FAM227B: variants seen among roughly 807,000 people sequenced by gnomAD.
FAM227B encodes family with sequence similarity 227 member B.
A neutral mutation model predicts 73.8 loss-of-function variants in FAM227B; 88 were observed. The ratio of observed to expected loss-of-function variants is 1.19; its 90% CI spans 1.00 to 1.42. The LOEUF is 1.42. Among genes scored for constraint, FAM227B ranks in the 40% most tolerant of loss-of-function variants. The pLI is 0.00. For missense variants in FAM227B, 632 were observed against 590.9 expected (o/e 1.07, Z -0.72); for synonymous variants, 210 against 190.5 (o/e 1.10, Z -0.84).
intron 3 of FAM227B, among the ~76,000 whole-genome samples, chr15:49,608,891 T>C (rs2077699084): frequency 1.3e-5 from 2 of 151,882 alleles, no homozygotes; most frequent in South Asian, 4.1e-4. Context: ...AAAAGTATAA[T>C]ATATAAATAT....
chr15:49,411,875 G>C (rs542648486), intron 11 of FAM227B, among the ~76,000 whole-genome samples: 4 of 152,152 alleles, frequency 2.6e-5, no homozygotes, highest in African/African-American at 9.6e-5. Context: ...TATATCAATT[G>C]TTATGGGGAA....
In FAM227B at chr15:49,367,511, A is replaced by G; in HGVS notation, c.1208T>C (p.Leu403Pro). The G allele has an allele frequency of 6.2e-7, 1 of 1,606,716 alleles. No homozygotes were observed. Among genetic ancestry groups the G allele is most frequent in the Non-Finnish European group, 8.5e-7 (1 of 1,178,330 alleles). Residue 403 changes from leucine to proline, a missense_variant, in exon 13 of 16, where the codon CTG becomes CCG. Leu to Pro is a moderately conservative substitution (Grantham distance 98, BLOSUM62 -3). Coordinates refer to ENST00000299338, the MANE Select transcript of FAM227B (RefSeq NM_152647.3). ...CTTAGGTGCTTTGGAAATACCAGCC[A>G]GCTCATGCATCTTAAGATAATATAA... ...LILYYLKMHE[L>P]AGISKAPKKT... is the part of the protein sequence containing the mutation.
chr15:49,607,834 G>A (rs2077620688), intron 3 of FAM227B, among the ~76,000 whole-genome samples: 1 of 152,086 alleles, frequency 6.6e-6, no homozygotes, highest in East Asian at 1.9e-4. Context: ...TGATTATCTT[G>A]GAGTAGATCA....
intron 11 of FAM227B, among the ~76,000 whole-genome samples, chr15:49,430,119 T>C (rs2050465183): frequency 6.6e-6 from 1 of 151,932 alleles, no homozygotes; most frequent in Non-Finnish European, 1.5e-5. Flanking sequence ...TGACAAATCT[T>C]AGTGGCTCCA....
At chr15:49,431,691 T>C (rs1227779100) in intron 11 of FAM227B, among the ~76,000 whole-genome samples, 1 of 151,598 alleles carries the variant, frequency 6.6e-6, no homozygotes, top group South Asian at 2.1e-4. Context: ...GAAGAAAATA[T>C]CTTTGTGAAC....
In FAM227B at chr15:49,528,307, G is replaced by A. The variant is rs113889352; in HGVS notation, c.874+13373C>T. On this transcript the variant is annotated intron_variant, in intron 10 of 15. Coordinates refer to ENST00000299338, the MANE Select transcript of FAM227B (RefSeq NM_152647.3). ...AACTGGATAGCCATATGCAGAAAAC[G>A]AAACTGGACCCCTATCTCTCATCGT... Among the ~76,000 whole-genome samples the A allele has an allele frequency of 4.7e-3, 719 of 151,756 alleles. 7 individuals are homozygous for A. Among genetic ancestry groups the A allele is most frequent in the African/African-American group, 0.016 (677 of 41,466 alleles).
At chr15:49,520,834 G>A (rs912222302) in intron 10 of FAM227B, among the ~76,000 whole-genome samples, 3 of 151,944 alleles carry the variant, frequency 2.0e-5, no homozygotes, top group African/African-American at 7.2e-5. Flanking sequence ...AAACCCCCAG[G>A]AAGAAGCTGG....
chr15:49,487,850 G>A (rs1379193709), intron 11 of FAM227B: 1 of 151,930 alleles, frequency 6.6e-6, no homozygotes, highest in Non-Finnish European at 1.5e-5. Context: ...AAGCAAAATT[G>A]ATACATCAGA....
At chr15:49,525,662 A>G (rs1334264655) in intron 10 of FAM227B, among the ~76,000 whole-genome samples, 3 of 79,740 alleles carry the variant, frequency 3.8e-5, no homozygotes, top group Non-Finnish European at 7.8e-5. Context: ...TAAAGGGTGG[A>G]GAAATATATA....
At chr15:49,339,503 C>A (rs963292536) in intron 13 of FAM227B, among the ~76,000 whole-genome samples, 4 of 152,160 alleles carry the variant, frequency 2.6e-5, no homozygotes, top group African/African-American at 9.7e-5. Flanking sequence ...GAAGCTTCGT[C>A]CCAGAGGGGC....
chr15:49,457,314 G>A (rs1685504088), intron 11 of FAM227B, among the ~76,000 whole-genome samples: 1 of 151,924 alleles, frequency 6.6e-6, no homozygotes, highest in South Asian at 2.1e-4. Flanking sequence ...AATCAAATCA[G>A]CGTGTAAACT....
At chr15:49,603,136 G>A (rs150057515) in intron 3 of FAM227B, among the ~76,000 whole-genome samples, 279 of 152,138 alleles carry the variant, frequency 1.8e-3, no homozygotes, top group African/African-American at 6.4e-3. Context: ...GGTCTTTTGC[G>A]GTTTCATATA....
chr15:49,524,740 C>T (rs1182162264), intron 10 of FAM227B, among the ~76,000 whole-genome samples: 2 of 152,186 alleles, frequency 1.3e-5, no homozygotes, highest in East Asian at 3.9e-4. Flanking sequence ...TATGGAACTG[C>T]CCAAGCCTGT....
intron 1 of FAM227B, among the ~76,000 whole-genome samples, chr15:49,619,467 T>C (rs2078518842): frequency 6.6e-6 from 1 of 152,196 alleles, no homozygotes; most frequent in Non-Finnish European, 1.5e-5. Context: ...CTGACTACCT[T>C]GCTGCCATAC....
At position 49,335,508 on chromosome 15, in the gene FAM227B, A is replaced by G; in HGVS notation, c.1272-12T>C. ...TTGGAGCAGGTAGTGTGCTAGGCTT[A>G]TTATTAAGGAATGATTTTCAATTAG... On this transcript the variant is annotated splice_polypyrimidine_tract_variant and intron_variant, in intron 13 of 15. Transcript: ENST00000299338. The G allele has an allele frequency of 6.3e-7, 1 of 1,597,416 alleles. No homozygotes were observed. The highest frequency in any genetic ancestry group is 8.6e-7 in the Non-Finnish European group (1 of 1,165,806).
chr15:49,441,378 A>C (rs2051626621), intron 11 of FAM227B, among the ~76,000 whole-genome samples: 1 of 151,798 alleles, frequency 6.6e-6, no homozygotes, highest in Non-Finnish European at 1.5e-5. Context: ...CTAAGAATCC[A>C]ATTTTAGAAA....
At chr15:49,588,892 T>G (rs1417761691) in intron 4 of FAM227B, among the ~76,000 whole-genome samples, 2 of 151,706 alleles carry the variant, frequency 1.3e-5, no homozygotes, top group Non-Finnish European at 2.9e-5. Flanking sequence ...ATCTTCAGAA[T>G]TACACAAATC....
In FAM227B at chr15:49,471,854, C is replaced by T. The variant is rs546433816; in HGVS notation, c.1012+36357G>A. ...AGATCTAAAGGGCAGCCAGAAAAGA[C>T]GTATCAAGCTAACTAAATGCTGACA... On this transcript the variant is annotated intron_variant, in intron 11 of 15. Coordinates refer to ENST00000299338, the MANE Select transcript of FAM227B (RefSeq NM_152647.3). Among the ~76,000 whole-genome samples, 229 of 152,110 alleles carry T rather than the reference C, an allele frequency of 1.5e-3. 1 individual carries two copies. The highest frequency in any genetic ancestry group is 5.3e-3 in the African/African-American group (221 of 41,510).
intron 11 of FAM227B, among the ~76,000 whole-genome samples, chr15:49,489,625 G>A (rs1193103720): frequency 2.0e-5 from 3 of 150,586 alleles, no homozygotes; most frequent in Admixed American, 6.7e-5. Context: ...GCCATAGAGT[G>A]TTTTGTTCTA....
Sources: gnomAD v4.1 joint callset for allele counts (sites outside exome capture counted in the v4.1 genomes callset) on GRCh38, gnomAD v4.1.1 for gene constraint, MANE v1.5 for transcripts, NCBI Gene and HGNC (gene_info 2026-07-23, HGNC 2026-07-21) for gene names.